Variants in PMFBP1 observed in about 807,000 individuals in gnomAD.
PMFBP1 encodes polyamine-modulated factor 1-binding protein 1.
Under a neutral mutation model 137.8 loss-of-function variants are expected in PMFBP1, and 131 were observed. The observed-to-expected ratio is 0.95, with a 90% confidence interval of 0.82 to 1.10. PMFBP1 has a LOEUF of 1.10. Ranked by LOEUF, PMFBP1 falls within the 50% of genes least tolerant of loss-of-function variation. The pLI is 0.00. For synonymous variants in PMFBP1, 490 were observed against 450.4 expected, an observed-to-expected ratio of 1.09 and a Z score of -1.11; for missense variants, 1,199 against 1,175.4, an observed-to-expected ratio of 1.02 and a Z score of -0.29.
chr16:72,136,153 T>C (rs1305048391), intron 9 of PMFBP1, among the ~76,000 whole-genome samples: 3 of 152,000 alleles, frequency 2.0e-5, no homozygotes, highest in Non-Finnish European at 4.4e-5. Context: ...ATAAGAAGAG[T>C]ATAAGGGAAC....
chr16:72,167,061 A>ATGAGC (rs1385103874), intron 2 of PMFBP1, among the ~76,000 whole-genome samples: 3 of 152,210 alleles, frequency 2.0e-5, no homozygotes, highest in African/African-American at 7.2e-5. Flanking sequence ...TTTGAAATAT[A>ATGAGC]TGAGCTGCAT....
chr16:72,131,510 G>A (rs1262720264), intron 10 of PMFBP1, among the ~76,000 whole-genome samples: 14 of 152,168 alleles, frequency 9.2e-5, no homozygotes, highest in Admixed American at 9.2e-4. Flanking sequence ...GGTATGAGGG[G>A]AAGGCAGCTA....
intron 9 of PMFBP1, among the ~76,000 whole-genome samples, chr16:72,134,094 C>T (rs2042589025): frequency 6.6e-6 from 1 of 152,176 alleles, no homozygotes; most frequent in South Asian, 2.1e-4. Context: ...CACATTTGGT[C>T]TCTCAAGTCG....
In PMFBP1 at chr16:72,129,158, G is replaced by A. The variant is rs371935312; in HGVS notation, c.1858C>T (p.Arg620Trp). 13 of 1,614,144 alleles carry A rather than the reference G, an allele frequency of 8.1e-6. No homozygotes were observed. The highest frequency in any genetic ancestry group is 1.7e-5 in the Admixed American group (1 of 60,024). Residue 620 changes from arginine (R) to tryptophan (W), a missense_variant, in exon 13 of 21, where the codon CGG (arginine) becomes TGG (tryptophan). Transcript: ENST00000237353. ...QEATKLLEDK[R>W]EQLKKSKEHE... ...TCTTTGCTCTTCTTCAACTGCTCCCGTTTGTCCTCCAGAAGCTTTGTGGCC... is the reference window on the plus strand; with the variant it reads ...TCTTTGCTCTTCTTCAACTGCTCCCATTTGTCCTCCAGAAGCTTTGTGGCC...
the PMFBP1 span, among the ~76,000 whole-genome samples, chr16:72,196,216 G>C: frequency 6.6e-6 from 1 of 152,110 alleles, no homozygotes. Flanking sequence ...CCAGATACGG[G>C]AGAAAGATCA....
chr16:72,176,808 C>T (rs2144543884), upstream of PMFBP1: 1 of 152,372 alleles, frequency 6.6e-6, no homozygotes, highest in Middle Eastern at 3.4e-3. Flanking sequence ...AGATCTCTCT[C>T]TACAGTTCAC....
At chr16:72,164,090 C>T (rs1317829882) in intron 3 of PMFBP1, among the ~76,000 whole-genome samples, 1 of 151,946 alleles carries the variant, frequency 6.6e-6, no homozygotes, top group African/African-American at 2.4e-5. Context: ...GGTGTGTCAT[C>T]AAGTCAGGTA....
Position 72,119,141 on chromosome 16 carries a change from T to C in PMFBP1, c.*197A>G. ...TTATTTCAGAGTTTGGGCCTGGAGATGGTAGTATGGTTCTAAAGCTCACTC... is the reference window on the plus strand; with the variant it reads ...TTATTTCAGAGTTTGGGCCTGGAGACGGTAGTATGGTTCTAAAGCTCACTC... On this transcript the variant is annotated 3_prime_UTR_variant, in exon 21 of 21. Transcript: ENST00000237353. The C allele has an allele frequency of 3.5e-6, 2 of 566,426 alleles. No individual in the cohort carries two copies. The highest frequency in any genetic ancestry group is 6.2e-6 in the Non-Finnish European group (2 of 320,548). The allele number at this position is 566,426 out of a possible 1,614,324, so 35.1% of individuals were successfully genotyped here. A position where few individuals can be genotyped will look rare whatever the true frequency, so the allele number is the denominator to read the frequency against.
At chr16:72,203,255 G>A in the PMFBP1 span, among the ~76,000 whole-genome samples, 1 of 152,220 alleles carries the variant, frequency 6.6e-6, no homozygotes, top group African/African-American at 2.4e-5. Flanking sequence ...GCTTTTAGCA[G>A]AAAATATCTC....
the PMFBP1 span, among the ~76,000 whole-genome samples, chr16:72,185,205 G>A: frequency 4.5e-4 from 68 of 152,122 alleles, no homozygotes; most frequent in African/African-American, 1.6e-3. Context: ...TGTATTTTTA[G>A]TAGATACGGG....
At chr16:72,150,578 C>T in intron 5 of PMFBP1, 30 bp downstream of exon 5, 1 of 1,603,948 alleles carries the variant, frequency 6.2e-7, no homozygotes, top group East Asian at 2.2e-5. Flanking sequence ...ATCCACTTGC[C>T]TGGATTGAAT....
chr16:72,138,687 C>T (rs1339300379), intron 7 of PMFBP1, among the ~76,000 whole-genome samples: 6 of 151,586 alleles, frequency 4.0e-5, no homozygotes, highest in Non-Finnish European at 7.4e-5. Flanking sequence ...GGCTAATTTT[C>T]GTATTTTTAG....
At chr16:72,199,423 G>A in the PMFBP1 span, among the ~76,000 whole-genome samples, 1 of 152,302 alleles carries the variant, frequency 6.6e-6, no homozygotes, top group Admixed American at 6.5e-5. Context: ...GGAGGCCGAG[G>A]TGGGCGGATG....
intron 3 of PMFBP1, among the ~76,000 whole-genome samples, chr16:72,160,737 G>T (rs556504690): frequency 6.6e-6 from 1 of 152,088 alleles, no homozygotes; most frequent in African/African-American, 2.4e-5. Flanking sequence ...AACACTGTCC[G>T]GGCCATAGCA....
At chr16:72,210,511 C>A in the PMFBP1 span, among the ~76,000 whole-genome samples, 1 of 152,342 alleles carries the variant, frequency 6.6e-6, no homozygotes, top group South Asian at 2.1e-4. Flanking sequence ...CCAAACTTCA[C>A]AGTCCTGCTG....
At chr16:72,120,143 T>A in intron 19 of PMFBP1, 54 bp from the exon 20 acceptor site, 1 of 1,612,484 alleles carries the variant, frequency 6.2e-7, no homozygotes, top group Non-Finnish European at 8.5e-7. Flanking sequence ...CTCTGGTTGG[T>A]TCCCTGCTAG....
rs780272951 is a variant in PMFBP1, at chr16:72,119,845, A to G, written c.3007+6T>C. ...CACTTATTTTTTTGACAAATGGCAGACGTACCCGGGCAGTGGGGCATCCCG... is the reference window on the plus strand; with the variant it reads ...CACTTATTTTTTTGACAAATGGCAGGCGTACCCGGGCAGTGGGGCATCCCG... On this transcript the variant is annotated splice_donor_region_variant and intron_variant, in intron 20 of 20. Coordinates refer to ENST00000237353, the MANE Select transcript of PMFBP1 (RefSeq NM_031293.3). 1 of 1,611,426 alleles carries G rather than the reference A, an allele frequency of 6.2e-7. No homozygotes were observed. The highest frequency in any genetic ancestry group is 8.5e-7 in the Non-Finnish European group (1 of 1,178,926).
At chr16:72,125,893 C>A in intron 15 of PMFBP1, 75 bp downstream of exon 15, 1 of 1,537,252 alleles carries the variant, frequency 6.5e-7, no homozygotes, top group South Asian at 1.2e-5. Context: ...AGGAAATTGG[C>A]TCCTGTGCTT....
chr16:72,238,450 T>G, the PMFBP1 span, among the ~76,000 whole-genome samples: 3 of 152,238 alleles, frequency 2.0e-5, no homozygotes, highest in African/African-American at 7.2e-5. Flanking sequence ...TATGCATGTA[T>G]GCCTTCTTTT....
Sources: gnomAD v4.1 joint callset for allele counts (sites outside exome capture counted in the v4.1 genomes callset) on GRCh38, gnomAD v4.1.1 for gene constraint, MANE v1.5 for transcripts, NCBI Gene and HGNC (gene_info 2026-07-23, HGNC 2026-07-21) for gene names.